CAMK4: variants seen among roughly 807,000 people sequenced by gnomAD.
CAMK4 encodes calcium/calmodulin dependent protein kinase IV, also known as calcium/calmodulin-dependent protein kinase type IV.
Under a neutral mutation model 44.9 loss-of-function variants are expected in CAMK4, and 22 were observed. The observed-to-expected ratio is 0.49, with a 90% CI of 0.35 to 0.70. The LOEUF (loss-of-function observed/expected upper bound fraction) is 0.70. Ranked by LOEUF, CAMK4 falls within the 30% of genes least tolerant of loss-of-function variation. The probability of loss-of-function intolerance (pLI) is 0.01; values close to 1 mark genes in which losing one functional copy is unlikely to be tolerated. For synonymous variants in CAMK4, 218 were observed against 215.4 expected, an observed-to-expected ratio of 1.01 and a Z score of -0.11; for missense variants, 498 against 586.8, an observed-to-expected ratio of 0.85 and a Z score of 1.56.
At chr5:111,292,973 T>G (rs1204080854) in intron 1 of CAMK4, among the ~76,000 whole-genome samples, 1 of 152,190 alleles carries the variant, frequency 6.6e-6, no homozygotes, top group Non-Finnish European at 1.5e-5. Flanking sequence ...TTTGCAGAAT[T>G]TAATGCTTGA....
upstream of CAMK4, chr5:111,224,297 C>T: frequency 1.2e-6 from 1 of 818,782 alleles, no homozygotes; most frequent in Non-Finnish European, 1.7e-6. This position sits in a 1 kb window ranked among gnomAD's most constrained non-coding sequence, Gnocchi z 5.7. Context: ...CGCGCCCTCT[C>T]GCAGAGGCTC....
At chr5:111,420,847 G>C (rs1228670220) in intron 5 of CAMK4, among the ~76,000 whole-genome samples, 1 of 152,164 alleles carries the variant, frequency 6.6e-6, no homozygotes, top group Admixed American at 6.5e-5. Flanking sequence ...CTGTTATCCT[G>C]TTCTTTTTTC....
At chr5:111,262,687 A>T (rs984934912) in intron 1 of CAMK4, among the ~76,000 whole-genome samples, 4 of 152,218 alleles carry the variant, frequency 2.6e-5, no homozygotes, top group Non-Finnish European at 5.9e-5. Flanking sequence ...TATTCCATCA[A>T]TAACAATGAA....
In CAMK4 at chr5:111,487,653, T is replaced by C. The variant is rs1755678624; in HGVS notation, c.*3187T>C. The stretch of plus-strand genomic sequence containing the variant: ...TTAATGTGATATTTTGAATTCTTTA[T>C]TTTTATACTGTTTTCAAAATCAAGA... On this transcript the variant is annotated 3_prime_UTR_variant, in exon 11 of 11. Transcript: ENST00000282356. The C allele has an allele frequency of 6.6e-6, 1 of 152,210 alleles. No individual in the cohort carries two copies. Among genetic ancestry groups the C allele is most frequent in the African/African-American group, 2.4e-5 (1 of 41,452 alleles). The allele number at this position is 152,210 out of a possible 1,614,324, so 9.4% of individuals were successfully genotyped here.
rs1460400279 is a variant in CAMK4 at position 111,490,265 on chromosome 5, T to C, written c.*5799T>C. On this transcript the variant is annotated 3_prime_UTR_variant, in exon 11 of 11. Transcript: ENST00000282356. Reference sequence around the variant, plus strand: ...TGATAAAAAGTTACTAGGTTTGTCCTTTCCTTGATAGATGTAGAGCAGTTC... The same window carrying C: ...TGATAAAAAGTTACTAGGTTTGTCCCTTCCTTGATAGATGTAGAGCAGTTC... 1 of 152,240 alleles carries C rather than the reference T, an allele frequency of 6.6e-6. No individual in the cohort carries two copies. The highest frequency in any genetic ancestry group is 1.5e-5 in the Non-Finnish European group (1 of 68,038). The allele number at this position is 152,240 out of a possible 1,614,324, so 9.4% of individuals were successfully genotyped here.
At chr5:111,464,334 G>T (rs1754749162) in intron 7 of CAMK4, among the ~76,000 whole-genome samples, 1 of 152,058 alleles carries the variant, frequency 6.6e-6, no homozygotes, top group Non-Finnish European at 1.5e-5. Context: ...GAGGTTTGGG[G>T]TTATGTTAAA....
chr5:111,379,048 A>G (rs1751319312), intron 4 of CAMK4, among the ~76,000 whole-genome samples: 1 of 152,118 alleles, frequency 6.6e-6, no homozygotes, highest in Admixed American at 6.6e-5. Context: ...AGAGCAGTTT[A>G]TAGTCAGATG....
At chr5:111,268,142 A>C (rs1750346305) in intron 1 of CAMK4, among the ~76,000 whole-genome samples, 1 of 152,176 alleles carries the variant, frequency 6.6e-6, no homozygotes, top group Admixed American at 6.5e-5. Flanking sequence ...ACTACTGTAG[A>C]TCCATGGACA....
In CAMK4 at chr5:111,362,410, T is replaced by C. The variant is rs905745166; in HGVS notation, c.241-12440T>C. 5.3e-5 allele frequency among the ~76,000 whole-genome samples: 8 copies of C among 151,450 alleles called. 1 individual carries two copies. In the East Asian group the frequency reaches 5.9e-4, roughly 11 times the overall value. ...TTACATTCTGCTTATGGATATTAGATATTCATAAAATTTTTATTATGTTTT... is the reference window on the plus strand; with the variant it reads ...TTACATTCTGCTTATGGATATTAGACATTCATAAAATTTTTATTATGTTTT... On this transcript the variant is annotated intron_variant, in intron 2 of 10. Coordinates refer to ENST00000282356, the MANE Select transcript of CAMK4 (RefSeq NM_001744.6).
intron 5 of CAMK4, among the ~76,000 whole-genome samples, chr5:111,423,742 G>A (rs1167018059): frequency 6.6e-6 from 1 of 152,104 alleles, no homozygotes; most frequent in Non-Finnish European, 1.5e-5. Flanking sequence ...TAGGAAAGGG[G>A]CTAAATGCTT....
At chr5:111,313,084 C>G (rs74349998) in intron 1 of CAMK4, among the ~76,000 whole-genome samples, 1 of 152,078 alleles carries the variant, frequency 6.6e-6, no homozygotes, top group South Asian at 2.1e-4. Context: ...TTGGGTAGGT[C>G]TCAACTTAAG....
In CAMK4 at chr5:111,491,265, T is replaced by C. The variant is rs1755819183; in HGVS notation, c.*6799T>C. 6.6e-6 allele frequency: 1 copy of C among 152,122 alleles called. No individual in the cohort carries two copies. The highest frequency in any genetic ancestry group is 1.5e-5 in the Non-Finnish European group (1 of 68,036). 9.4% of individuals were successfully genotyped at this position (152,122 alleles called of 1,614,324 possible). On this transcript the variant is annotated 3_prime_UTR_variant, in exon 11 of 11. Transcript: ENST00000282356. ...ATGTACATATTGTTTGTGGCTGCTT[T>C]TATGTTGTCAAGGCAGAGTTGAGTA...
chr5:111,428,162 CCA>C (rs1238826866), intron 5 of CAMK4, among the ~76,000 whole-genome samples: 2 of 152,254 alleles, frequency 1.3e-5, no homozygotes, highest in Admixed American at 6.5e-5. Context: ...TCTGCAAAAA[CCA>C]CAGTGTTACT....
chr5:111,419,158 C>A (rs1272211847), intron 5 of CAMK4, among the ~76,000 whole-genome samples: 1 of 152,186 alleles, frequency 6.6e-6, no homozygotes, highest in Non-Finnish European at 1.5e-5. Flanking sequence ...GATGGTATCT[C>A]ATTGTGGTTT....
chr5:111,298,110 C>T (rs1178513828), intron 1 of CAMK4, among the ~76,000 whole-genome samples: 1 of 152,156 alleles, frequency 6.6e-6, no homozygotes, highest in African/African-American at 2.4e-5. Flanking sequence ...CATCTGTACA[C>T]TGAGAACATT....
At position 111,349,035 on chromosome 5, in the gene CAMK4, A is replaced by G. The variant is rs147091544; in HGVS notation, c.240+4933A>G. 6.0e-3 allele frequency among the ~76,000 whole-genome samples: 908 copies of G among 152,158 alleles called. 3 individuals are homozygous for G. Among genetic ancestry groups the G allele is most frequent in the Middle Eastern group, 0.014 (4 of 294 alleles). ...CTCATTGTGCCATTAATGAGGATAA[A>G]GCTTTCATGGTGTTAACTGTAAACA... On this transcript the variant is annotated intron_variant, in intron 2 of 10. Coordinates refer to ENST00000282356, the MANE Select transcript of CAMK4 (RefSeq NM_001744.6).
At chr5:111,456,527 C>T (rs1412915118) in intron 7 of CAMK4, among the ~76,000 whole-genome samples, 2 of 151,568 alleles carry the variant, frequency 1.3e-5, no homozygotes, top group Non-Finnish European at 2.9e-5. Context: ...AAAATTTCCC[C>T]CTAAGATTTA....
At chr5:111,476,060 A>G (rs1339171460) in intron 8 of CAMK4, among the ~76,000 whole-genome samples, 2 of 152,144 alleles carry the variant, frequency 1.3e-5, no homozygotes, top group Non-Finnish European at 2.9e-5. Context: ...TGTCTTCCAA[A>G]TGTTGAGGCA....
chr5:111,370,159 A>C (rs1750950930), intron 2 of CAMK4, among the ~76,000 whole-genome samples: 2 of 152,176 alleles, frequency 1.3e-5, no homozygotes, highest in Non-Finnish European at 2.9e-5. Flanking sequence ...TTTTCATAGA[A>C]AAATTAATTC....
Sources: gnomAD v4.1 joint callset for allele counts (sites outside exome capture counted in the v4.1 genomes callset) on GRCh38, gnomAD v4.1.1 for gene constraint, Gnocchi (gnomAD v3.1) non-coding constraint, MANE v1.5 for transcripts, NCBI Gene and HGNC (gene_info 2026-07-23, HGNC 2026-07-21) for gene names.